Variants in TNRC18 observed in about 807,000 individuals in gnomAD.
TNRC18 encodes trinucleotide repeat-containing gene 18 protein.
Under a neutral mutation model 226.7 loss-of-function variants are expected in TNRC18, and 69 were observed. The observed-to-expected ratio is 0.30, with a 90% CI of 0.25 to 0.37. The LOEUF is 0.37. TNRC18 is among the 10% of genes least tolerant of loss of function. TNRC18 has a pLI of 1.00. For synonymous variants in TNRC18, 2,449 were observed against 1,927.6 expected, an observed-to-expected ratio of 1.27 and a Z score of -7.09; for missense variants, 4,754 against 4,256.6, an observed-to-expected ratio of 1.12 and a Z score of -3.25.
intron 3 of TNRC18, among the ~76,000 whole-genome samples, chr7:5,391,860 T>C (rs1170865843): frequency 8.4e-6 from 1 of 119,234 alleles, no homozygotes; most frequent in Non-Finnish European, 1.9e-5. Flanking sequence ...AAAATTTAAA[T>C]AGTTTTTTTT....
At chr7:5,316,316 G>T (rs1321438005) in intron 24 of TNRC18, among the ~76,000 whole-genome samples, 2 of 125,914 alleles carry the variant, frequency 1.6e-5, no homozygotes, top group Non-Finnish European at 3.1e-5. Flanking sequence ...TTTCGCTGTC[G>T]ATGCCCAGGC....
At position 5,313,451 on chromosome 7, in the gene TNRC18, G is replaced by C. The variant is rs752838181; in HGVS notation, c.7440C>G (p.Ala2480=). Reference sequence around the variant, plus strand: ...CCCCCGGATCCTCCCGGAGCAGCAGGGCCTCTTTAGCCTTCTTGCTTTTGG... The same window carrying C: ...CCCCCGGATCCTCCCGGAGCAGCAGCGCCTCTTTAGCCTTCTTGCTTTTGG... ...TSPKSKKAKE[A]LLLREDPGAG... Residue 2480 remains alanine (A), a synonymous_variant, in exon 27 of 30, where the codon GCC becomes GCG. Coordinates refer to ENST00000430969, the MANE Select transcript of TNRC18 (RefSeq NM_001080495.3). 1 of 1,612,442 alleles carries C rather than the reference G, an allele frequency of 6.2e-7. No homozygotes were observed. Among genetic ancestry groups the C allele is most frequent in the Non-Finnish European group, 8.5e-7 (1 of 1,179,332 alleles).
chr7:5,352,047 C>A lies in TNRC18; in HGVS notation c.5242G>T (p.Ala1748Ser). 2.5e-6 allele frequency: 4 copies of A among 1,612,936 alleles called. No homozygotes were observed. The highest frequency in any genetic ancestry group is 3.4e-6 in the Non-Finnish European group (4 of 1,179,524). The change falls in exon 17 of 30, where the codon GCC becomes TCC. Residue 1748 changes from alanine to serine, a missense_variant. Coordinates refer to ENST00000430969, the MANE Select transcript of TNRC18 (RefSeq NM_001080495.3). ...DEEFLKDEWP[A>S]QGPSSSKLTP... ...AGTTTGGAGCTGGAGGGGCCTTGGGCGGGCCACTCGTCCTTCAGGAATTCT... is the reference window on the plus strand; with the variant it reads ...AGTTTGGAGCTGGAGGGGCCTTGGGAGGGCCACTCGTCCTTCAGGAATTCT...
chr7:5,422,690 C>T (rs1782654092), intron 1 of TNRC18: 1 of 152,242 alleles, frequency 6.6e-6, no homozygotes, highest in Non-Finnish European at 1.5e-5. Flanking sequence ...CTAGCCAAAC[C>T]CGCCGGCCTT....
In TNRC18 at chr7:5,320,138, T is replaced by G. The variant is rs1788199935; in HGVS notation, c.6745+180A>C. On this transcript the variant is annotated intron_variant, in intron 24 of 29. Coordinates refer to ENST00000430969, the MANE Select transcript of TNRC18 (RefSeq NM_001080495.3). Reference sequence around the variant, plus strand: ...TGCTGACAGATACTCAGAGCTGGAGTCCTGATGACATCGTTTAAATGGTGC... The same window carrying G: ...TGCTGACAGATACTCAGAGCTGGAGGCCTGATGACATCGTTTAAATGGTGC... 14 of 593,946 alleles carry G rather than the reference T, an allele frequency of 2.4e-5. No individual in the cohort carries two copies. The South Asian group carries it at 2.5e-4, about 11-fold the overall frequency. 36.8% of individuals were successfully genotyped at this position (593,946 alleles called of 1,614,324 possible).
rs540985181 is a variant in TNRC18 at position 5,308,004 on chromosome 7, G to A, written c.*102C>T. The A allele has an allele frequency of 1.2e-4, 131 of 1,105,154 alleles. 1 individual carries two copies. Among genetic ancestry groups the A allele is most frequent in the South Asian group, 1.0e-3 (69 of 66,140 alleles). The allele number at this position is 1,105,154 out of a possible 1,614,324, so 68.5% of individuals were successfully genotyped here. ...GCCCCATGCACACGCCTGCAGGAGC[G>A]CTCGCATGCACACAACGCACGTGGT... On this transcript the variant is annotated 3_prime_UTR_variant, in exon 30 of 30. Transcript: ENST00000430969.
intron 18 of TNRC18, among the ~76,000 whole-genome samples, chr7:5,345,155 T>A (rs1233678563): frequency 6.6e-6 from 1 of 152,154 alleles, no homozygotes; most frequent in African/African-American, 2.4e-5. Flanking sequence ...GACGTGGCTG[T>A]TCCTTCCCCT....
At chr7:5,344,044 A>T (rs1790927019) in intron 18 of TNRC18, among the ~76,000 whole-genome samples, 1 of 152,264 alleles carries the variant, frequency 6.6e-6, no homozygotes, top group Admixed American at 6.5e-5. Context: ...GCAATGAAAA[A>T]GGAGACATCA....
intron 2 of TNRC18, among the ~76,000 whole-genome samples, chr7:5,418,520 C>G (rs1272798208): frequency 6.6e-6 from 1 of 152,178 alleles, no homozygotes; most frequent in African/African-American, 2.4e-5. Context: ...GAACCTCCCT[C>G]GGCCTAGGAG....
chr7:5,409,742 C>T lies in TNRC18; in HGVS notation c.187+11318G>A, dbSNP rs1055951770. ...CTTGTAATCCCAGACTTTGGGAGGC[C>T]GAGGCGGGTGGATCACGAGGTCAGG... is the stretch of plus-strand genomic sequence containing the variant. On this transcript the variant is annotated intron_variant, in intron 2 of 29. Transcript: ENST00000430969. Among the ~76,000 whole-genome samples, 13 of 150,494 alleles carry T rather than the reference C, an allele frequency of 8.6e-5. 1 individual carries two copies. Among genetic ancestry groups the T allele is most frequent in the Admixed American group, 1.3e-4 (2 of 15,040 alleles).
chr7:5,390,268 G>C, intron 4 of TNRC18: 2 of 568,598 alleles, frequency 3.5e-6, no homozygotes, highest in South Asian at 5.3e-5. Flanking sequence ...GGGGGGCTGA[G>C]TCAGGTGCAT....
chr7:5,369,762 TGA>T (rs1562562596), intron 11 of TNRC18, among the ~76,000 whole-genome samples: 1 of 152,202 alleles, frequency 6.6e-6, no homozygotes, highest in Non-Finnish European at 1.5e-5. Flanking sequence ...CCAATTTAAA[TGA>T]GAGTTTCTGT....
chr7:5,360,927 C>T (rs78262442), intron 14 of TNRC18, among the ~76,000 whole-genome samples: 10,295 of 152,198 alleles, frequency 0.068, 470 homozygotes, highest in Non-Finnish European at 0.1. Flanking sequence ...AGCCGCCTAG[C>T]GTCTACCCCA....
At chr7:5,365,121 C>G (rs1306741345) in intron 11 of TNRC18, among the ~76,000 whole-genome samples, 1 of 152,082 alleles carries the variant, frequency 6.6e-6, no homozygotes, top group African/African-American at 2.4e-5. Flanking sequence ...TAGATTGTTT[C>G]CTGTCTTTTC....
At chr7:5,350,897 CA>C (rs1164095174) in intron 17 of TNRC18, among the ~76,000 whole-genome samples, 1 of 152,292 alleles carries the variant, frequency 6.6e-6, no homozygotes, top group Non-Finnish European at 1.5e-5. Flanking sequence ...TGACAGAGAC[CA>C]GGGGTGTCAA....
In TNRC18 at chr7:5,382,659, C is replaced by G. The variant is rs577132711; in HGVS notation, c.2153-4635G>C. ...CCTGTGAAGCTGGAGGTGGGGACAT[C>G]CCCACAGCCCCTCCCTCCCAGACCT... On this transcript the variant is annotated intron_variant, in intron 5 of 29. Transcript: ENST00000430969. 1.2e-4 allele frequency among the ~76,000 whole-genome samples: 19 copies of G among 152,280 alleles called. No individual in the cohort carries two copies. The East Asian group carries it at 2.9e-3, about 23-fold the overall frequency.
Position 5,320,631 on chromosome 7 carries a change from G to C in TNRC18, c.6561-24C>G, listed in dbSNP as rs766141247. The C allele has an allele frequency of 2.6e-5, 42 of 1,606,226 alleles. No homozygotes were observed. In the South Asian group the frequency reaches 3.9e-4, roughly 15 times the overall value. On this transcript the variant is annotated intron_variant, in intron 22 of 29. Coordinates refer to ENST00000430969, the MANE Select transcript of TNRC18 (RefSeq NM_001080495.3). ...ATCTGTAGGAGCAAACGAGGCGTGA[G>C]GTGGCAGAGGCCGAGACCTCCCCAG... is the stretch of plus-strand genomic sequence containing the variant.
intron 11 of TNRC18, 45 bp downstream of exon 11, chr7:5,370,330 C>G (rs1040478525): frequency 2.0e-6 from 3 of 1,506,492 alleles, no homozygotes; most frequent in East Asian, 2.5e-5. Context: ...CACCACAAAA[C>G]TAAAACTCAC....
chr7:5,380,890 C>T (rs1340862541), intron 5 of TNRC18, among the ~76,000 whole-genome samples: 1 of 152,200 alleles, frequency 6.6e-6, no homozygotes, highest in East Asian at 1.9e-4. Flanking sequence ...GAGGCTCAGC[C>T]ACCTGAGGGG....
Sources: allele counts gnomAD v4.1 joint callset (sites outside exome capture counted in the v4.1 genomes callset), GRCh38; gene constraint gnomAD v4.1.1; transcripts MANE v1.5; gene names NCBI Gene and HGNC (gene_info 2026-07-23, HGNC 2026-07-21).